ADAMTSL3: variants seen among roughly 807,000 people sequenced by gnomAD.
The protein encoded by ADAMTSL3 is ADAMTS like 3, also known as ADAMTS-like protein 3.
Under a neutral mutation model 201.7 loss-of-function variants are expected in ADAMTSL3, and 128 were observed. The ratio of observed to expected loss-of-function variants is 0.63; its 90% CI spans 0.55 to 0.73. The LOEUF is 0.73. ADAMTSL3 is among the 30% of genes least tolerant of loss of function. ADAMTSL3 has a pLI of 0.00. For missense variants in ADAMTSL3, 1,990 were observed against 2,119.6 expected (o/e 0.94, Z 1.20); for synonymous variants, 738 against 748.4 (o/e 0.99, Z 0.23).
intron 11 of ADAMTSL3, chr15:83,890,576 TA>T (rs2065482792): frequency 4.6e-6 from 1 of 217,800 alleles, no homozygotes; most frequent in East Asian, 1.0e-4. Flanking sequence ...CTTTAGCTTT[TA>T]AACTGGGTCA....
chr15:83,748,944 C>T (rs561914462), intron 3 of ADAMTSL3, among the ~76,000 whole-genome samples: 65 of 152,136 alleles, frequency 4.3e-4, no homozygotes, highest in Non-Finnish European at 7.9e-4. Flanking sequence ...AGGAGTTTAA[C>T]ATGCAAGATG....
At chr15:83,889,830 C>G (rs796663022) in intron 10 of ADAMTSL3, among the ~76,000 whole-genome samples, 1 of 152,060 alleles carries the variant, frequency 6.6e-6, no homozygotes, top group Non-Finnish European at 1.5e-5. Flanking sequence ...ATTTTGGCCA[C>G]GCATTTTAGT....
At chr15:83,806,866 A>G (rs2063610092) in intron 5 of ADAMTSL3, among the ~76,000 whole-genome samples, 1 of 152,146 alleles carries the variant, frequency 6.6e-6, no homozygotes, top group African/African-American at 2.4e-5. Context: ...CAAGCAAGCA[A>G]AAAACAAAAC....
At chr15:83,780,918 A>G (rs1266322696) in intron 4 of ADAMTSL3, among the ~76,000 whole-genome samples, 1 of 152,208 alleles carries the variant, frequency 6.6e-6, no homozygotes, top group East Asian at 1.9e-4. Flanking sequence ...GAATATTTCT[A>G]CAAGGATAAC....
At chr15:83,731,696 G>T (rs1423173876) in intron 3 of ADAMTSL3, among the ~76,000 whole-genome samples, 2 of 151,856 alleles carry the variant, frequency 1.3e-5, no homozygotes, top group African/African-American at 4.8e-5. Context: ...AAAATGTGAT[G>T]TACATACATA....
chr15:83,894,829 A>G (rs567691865), intron 13 of ADAMTSL3, among the ~76,000 whole-genome samples: 34 of 152,168 alleles, frequency 2.2e-4, no homozygotes, highest in African/African-American at 7.7e-4. Flanking sequence ...ATATATATAT[A>G]TATATTTCAA....
intron 16 of ADAMTSL3, 56 bp downstream of exon 16, chr15:83,913,434 A>C: frequency 1.9e-6 from 3 of 1,561,424 alleles, no homozygotes; most frequent in Non-Finnish European, 2.6e-6. Flanking sequence ...GTGGTTTGAG[A>C]AATTACTCAA....
At chr15:83,659,650 G>A (rs1285710169) in intron 2 of ADAMTSL3, among the ~76,000 whole-genome samples, 2 of 152,146 alleles carry the variant, frequency 1.3e-5, no homozygotes, top group African/African-American at 2.4e-5. Flanking sequence ...CTAATCCCTG[G>A]AACTCATAAA....
chr15:83,861,306 G>A (rs138238692), intron 8 of ADAMTSL3, among the ~76,000 whole-genome samples: 4,895 of 152,262 alleles, frequency 0.032, 243 homozygotes, highest in African/African-American at 0.11. Context: ...CTCCCAGCAC[G>A]CAGCTTGAGA....
Position 83,759,602 on chromosome 15 carries a change from C to A in ADAMTSL3, c.190-13921C>A, listed in dbSNP as rs375693962. Among the ~76,000 whole-genome samples the A allele has an allele frequency of 2.4e-4, 36 of 152,182 alleles. 2 individuals are homozygous for A. The East Asian group carries it at 3.3e-3, about 14-fold the overall frequency. ...CTTGGGTTGGGTTCTAAGAAGAAGA[C>A]CTGAGATGAAGATTCGTATCCAAGT... On this transcript the variant is annotated intron_variant, in intron 3 of 29. Transcript: ENST00000286744.
At chr15:84,015,314 A>G (rs1036768605) in intron 24 of ADAMTSL3, among the ~76,000 whole-genome samples, 5 of 152,218 alleles carry the variant, frequency 3.3e-5, no homozygotes, top group African/African-American at 1.2e-4. Context: ...GTATAAGAGT[A>G]TAGAATCCAT....
At chr15:83,740,533 A>C (rs2062438016) in intron 3 of ADAMTSL3, among the ~76,000 whole-genome samples, 1 of 152,244 alleles carries the variant, frequency 6.6e-6, no homozygotes, top group African/African-American at 2.4e-5. Context: ...TTATGACCTT[A>C]AAGACAGGGA....
At chr15:83,857,503 A>G (rs566248391) in intron 7 of ADAMTSL3, among the ~76,000 whole-genome samples, 101 of 152,230 alleles carry the variant, frequency 6.6e-4, no homozygotes, top group African/African-American at 2.4e-3. Flanking sequence ...ATTCCTGAGT[A>G]TGGATGTTCT....
rs1207041181 is a variant in ADAMTSL3 at position 83,967,237 on chromosome 15, T to C, written c.2491-3247T>C. ...TCAAATAGGAAGAGAGGAAGTCAAA[T>C]TGTCTCTGTTTGCAGATGACATAAT... On this transcript the variant is annotated intron_variant, in intron 19 of 29. Coordinates refer to ENST00000286744, the MANE Select transcript of ADAMTSL3 (RefSeq NM_207517.3). 2.0e-5 allele frequency among the ~76,000 whole-genome samples: 3 copies of C among 152,194 alleles called. No individual in the cohort carries two copies. In the East Asian group the frequency reaches 5.8e-4, roughly 29 times the overall value.
At chr15:83,865,382 C>G (rs570841501) in intron 8 of ADAMTSL3, among the ~76,000 whole-genome samples, 7 of 152,284 alleles carry the variant, frequency 4.6e-5, no homozygotes, top group Middle Eastern at 3.4e-3. Flanking sequence ...GCTACAGTAA[C>G]CAAAACAGCA....
intron 2 of ADAMTSL3, among the ~76,000 whole-genome samples, chr15:83,665,529 C>T (rs943192311): frequency 6.6e-6 from 1 of 152,160 alleles, no homozygotes; most frequent in African/African-American, 2.4e-5. Flanking sequence ...AAACCAATTA[C>T]ATGTAATTGT....
At chr15:83,662,518 T>C (rs914378785) in intron 2 of ADAMTSL3, among the ~76,000 whole-genome samples, 26 of 147,136 alleles carry the variant, frequency 1.8e-4, no homozygotes, top group African/African-American at 6.5e-4. Context: ...CATGTATACG[T>C]ATGTAACTAA....
At chr15:83,774,002 C>T (rs2063030315) in intron 4 of ADAMTSL3, among the ~76,000 whole-genome samples, 1 of 152,164 alleles carries the variant, frequency 6.6e-6, no homozygotes, top group South Asian at 2.1e-4. Context: ...AGTTCTTGTT[C>T]ATCTATTCTG....
At chr15:83,799,478 A>T (rs1303016108) in intron 4 of ADAMTSL3, among the ~76,000 whole-genome samples, 1 of 152,176 alleles carries the variant, frequency 6.6e-6, no homozygotes, top group East Asian at 1.9e-4. Flanking sequence ...CAATCATGGG[A>T]AACACAGGTT....
Sources: gnomAD v4.1 joint callset for allele counts (sites outside exome capture counted in the v4.1 genomes callset) on GRCh38, gnomAD v4.1.1 for gene constraint, MANE v1.5 for transcripts, NCBI Gene and HGNC (gene_info 2026-07-23, HGNC 2026-07-21) for gene names.